The following STARD8 variants were observed in gnomAD, a reference collection of about 807,000 sequenced individuals.
The protein encoded by STARD8 is stAR-related lipid transfer protein 8.
A neutral mutation model predicts 69.4 loss-of-function variants in STARD8; 25 were observed. The observed-to-expected ratio is 0.36, with a 90% confidence interval of 0.26 to 0.50. STARD8 has a LOEUF of 0.50. Among genes scored for constraint, STARD8 ranks in the 20% least tolerant of loss-of-function variants. The pLI, the probability that STARD8 is intolerant of heterozygous loss-of-function variation, is 0.96. For synonymous variants in STARD8, 389 were observed against 374.6 expected (o/e 1.04, Z -0.45); for missense variants, 921 against 932.5 (o/e 0.99, Z 0.16).
intron 3 of STARD8, among the ~76,000 whole-genome samples, chrX:68,714,921 C>T (rs1047878420): frequency 9.0e-6 from 1 of 111,541 alleles, no homozygotes; most frequent in African/African-American, 3.3e-5. Flanking sequence ...CTTGCTCCCA[C>T]CCTACTCCCC....
Position 68,708,132 on chromosome X carries a change from G to A in STARD8, c.80-4782G>A, listed in dbSNP as rs144081578. Reference sequence around the variant, plus strand: ...CCACTTTCAAAACCAGCAAAAGCCCGATCAAATCTATAAGGTAACCACAGT... The same window carrying A: ...CCACTTTCAAAACCAGCAAAAGCCCAATCAAATCTATAAGGTAACCACAGT... On this transcript the variant is annotated intron_variant, in intron 2 of 14. Transcript: ENST00000374599. Among the ~76,000 whole-genome samples the A allele has an allele frequency of 4.1e-3, 463 of 112,172 alleles. 7 individuals carry two copies. The East Asian group carries it at 0.051, about 12-fold the overall frequency.
intron 2 of STARD8, among the ~76,000 whole-genome samples, chrX:68,706,965 G>A (rs973050217): frequency 1.1e-4 from 12 of 112,966 alleles, no homozygotes; most frequent in African/African-American, 3.9e-4. Context: ...AGTGGTAGGC[G>A]ACTCCTTGCC....
At chrX:68,665,200 G>A (rs1169591304) in intron 1 of STARD8, among the ~76,000 whole-genome samples, 3 of 112,038 alleles carry the variant, frequency 2.7e-5, no homozygotes, top group Non-Finnish European at 5.6e-5. Flanking sequence ...AGTACTGTGA[G>A]CTGTGGCAGA....
intron 2 of STARD8, among the ~76,000 whole-genome samples, chrX:68,668,078 TTTC>T (rs2079696846): frequency 2.2e-5 from 2 of 91,916 alleles, no homozygotes; most frequent in African/African-American, 8.4e-5. Flanking sequence ...TCTTTCTTTC[TTTC>T]TTTCTTTCTT....
chrX:68,661,927 T>TTCCTTCCA (rs1466420679), intron 1 of STARD8, among the ~76,000 whole-genome samples: 1 of 72,488 alleles, frequency 1.4e-5, no homozygotes, highest in African/African-American at 5.0e-5. Flanking sequence ...CCTTCCTTCC[T>TTCCTTCCA]TCCCTCCCTC....
chrX:68,718,668 C>T (rs2080120403), intron 6 of STARD8, 39 bp downstream of exon 6: 1 of 1,133,951 alleles, frequency 8.8e-7, no homozygotes, highest in Non-Finnish European at 1.2e-6. Flanking sequence ...CGCAGGGTCT[C>T]CTGTTCTCTC....
In STARD8 at chrX:68,653,256, C is replaced by A. The variant is rs758957933; in HGVS notation, c.45+5329C>A. ...ACCACACACACACACCACACATACA[C>A]CACACACACCACACACCACACCACA... On this transcript the variant is annotated intron_variant, in intron 1 of 14. Transcript: ENST00000374599. Among the ~76,000 whole-genome samples, 37 of 27,458 alleles carry A rather than the reference C, an allele frequency of 1.3e-3. 1 individual carries two copies. The highest frequency in any genetic ancestry group is 2.3e-3 in the Non-Finnish European group (32 of 13,758). The allele number at this position is 27,458 out of a possible 115,157, so 23.8% of individuals were successfully genotyped here. A position where few individuals can be genotyped will look rare whatever the true frequency, so the allele number is the denominator to read the frequency against.
intron 2 of STARD8, among the ~76,000 whole-genome samples, chrX:68,703,317 C>A (rs1303403122): frequency 1.8e-5 from 2 of 112,474 alleles, no homozygotes; most frequent in Non-Finnish European, 3.8e-5. Flanking sequence ...CTTCAGGTGG[C>A]TAGCCTGTTA....
At chrX:68,706,296 A>G (rs1037531721) in intron 2 of STARD8, among the ~76,000 whole-genome samples, 1 of 111,649 alleles carries the variant, frequency 9.0e-6, no homozygotes, top group Non-Finnish European at 1.9e-5. Context: ...GATGAGAGCT[A>G]TTTTGGTCCT....
Position 68,717,549 on chromosome X carries a change from A to T in STARD8, c.635A>T (p.His212Leu). 1 of 1,211,471 alleles carries T rather than the reference A, an allele frequency of 8.3e-7. No individual in the cohort carries two copies. Residue 212 changes from histidine to leucine, a missense_variant, in exon 6 of 15, where the codon CAC becomes CTC. By Grantham distance (99) the His-to-Leu change is moderately conservative. Transcript: ENST00000374599. ...CATCGTAACCGTAGCTTCCTCAAGCACCTTGAATCTCTGAGGCGGAAGGAA... is the reference window on the plus strand; with the variant it reads ...CATCGTAACCGTAGCTTCCTCAAGCTCCTTGAATCTCTGAGGCGGAAGGAA... The part of the protein sequence containing the change: ...KRHRNRSFLK[H>L]LESLRRKEKS...
intron 2 of STARD8, among the ~76,000 whole-genome samples, chrX:68,677,075 G>A (rs768058719): frequency 9.0e-6 from 1 of 111,274 alleles, no homozygotes; most frequent in South Asian, 3.9e-4. Flanking sequence ...GAGCCTGGGA[G>A]GTTGAGGCTG....
chrX:68,686,388 C>CAGCTCGCT (rs1289447707), intron 2 of STARD8, among the ~76,000 whole-genome samples: 1 of 112,980 alleles, frequency 8.9e-6, no homozygotes, highest in African/African-American at 3.2e-5. Context: ...TCCGGCTCGC[C>CAGCTCGCT]AGCTCGCTCT....
intron 1 of STARD8, among the ~76,000 whole-genome samples, chrX:68,649,419 T>C (rs1035989012): frequency 4.6e-5 from 5 of 109,637 alleles, no homozygotes; most frequent in Non-Finnish European, 7.6e-5. Flanking sequence ...TTGGAATTAA[T>C]CTGTGGATTC....
intron 1 of STARD8, among the ~76,000 whole-genome samples, chrX:68,653,603 C>A (rs1172275718): frequency 3.1e-5 from 1 of 32,354 alleles, no homozygotes; most frequent in African/African-American, 1.1e-4. Flanking sequence ...CACAAGCACA[C>A]ACACCCCACC....
chrX:68,691,516 G>C (rs1438543701), intron 2 of STARD8, among the ~76,000 whole-genome samples: 1 of 111,819 alleles, frequency 8.9e-6, no homozygotes, highest in Non-Finnish European at 1.9e-5. Context: ...AAAAGAGGGA[G>C]ATCAAAAAAG....
intron 2 of STARD8, among the ~76,000 whole-genome samples, chrX:68,707,403 G>A (rs1346569119): frequency 1.8e-5 from 2 of 112,128 alleles, no homozygotes; most frequent in Non-Finnish European, 3.8e-5. Flanking sequence ...GCCTGTGACT[G>A]GTCTCTGGGT....
intron 1 of STARD8, among the ~76,000 whole-genome samples, chrX:68,653,295 C>A (rs1602536083): frequency 1.9e-5 from 1 of 52,354 alleles, no homozygotes; most frequent in Non-Finnish European, 3.7e-5. Flanking sequence ...ACACCACACA[C>A]CACACACACA....
At chrX:68,686,332 G>C (rs777814796) in intron 2 of STARD8, among the ~76,000 whole-genome samples, 1 of 112,456 alleles carries the variant, frequency 8.9e-6, no homozygotes, top group South Asian at 3.6e-4. Context: ...CGGGCTCCCC[G>C]CGGATTCGCT....
At chrX:68,698,913 A>G (rs767976287) in intron 2 of STARD8, among the ~76,000 whole-genome samples, 4 of 111,705 alleles carry the variant, frequency 3.6e-5, no homozygotes, top group Non-Finnish European at 5.7e-5. Flanking sequence ...CTACCAGGCA[A>G]TGGTGAGCTG....
Sources: gnomAD v4.1 joint callset for allele counts (sites outside exome capture counted in the v4.1 genomes callset) on GRCh38, gnomAD v4.1.1 for gene constraint, MANE v1.5 for transcripts, NCBI Gene and HGNC (gene_info 2026-07-23, HGNC 2026-07-21) for gene names.